CDK5RAP2: variants seen among roughly 807,000 people sequenced by gnomAD.
CDK5RAP2 encodes CDK5 regulatory subunit-associated protein 2.
Under a neutral mutation model 232.9 loss-of-function variants are expected in CDK5RAP2, and 147 were observed. The observed-to-expected ratio is 0.63, with a 90% CI of 0.55 to 0.72. CDK5RAP2 has a LOEUF of 0.72. Ranked by LOEUF, CDK5RAP2 falls within the 30% of genes least tolerant of loss-of-function variation. The pLI, the probability that CDK5RAP2 is intolerant of heterozygous loss-of-function variation, is 0.00. For missense variants in CDK5RAP2, 2,195 were observed against 2,231.5 expected (o/e 0.98, Z 0.33); for synonymous variants, 833 against 833.7 (o/e 1.00, Z 0.01).
At chr9:120,525,788 T>C (rs1564339370) in intron 10 of CDK5RAP2, among the ~76,000 whole-genome samples, 1 of 152,044 alleles carries the variant, frequency 6.6e-6, no homozygotes, top group Admixed American at 6.6e-5. Flanking sequence ...AGCTACTTTT[T>C]TGTATTTTTA....
At chr9:120,479,854 T>C (rs1262309305) in intron 14 of CDK5RAP2, among the ~76,000 whole-genome samples, 1 of 152,160 alleles carries the variant, frequency 6.6e-6, no homozygotes, top group Non-Finnish European at 1.5e-5. Flanking sequence ...GATTAGAAGG[T>C]AGCAATGAAG....
intron 17 of CDK5RAP2, 140 bp downstream of exon 17, chr9:120,469,971 G>A (rs1279060411): frequency 1.5e-5 from 9 of 602,544 alleles, no homozygotes; most frequent in South Asian, 3.8e-5. Context: ...GGACACAGGA[G>A]GGGCACACAC....
chr9:120,448,228 G>A, intron 21 of CDK5RAP2, 102 bp from the exon 22 acceptor site: 1 of 995,026 alleles, frequency 1.0e-6, no homozygotes, highest in Non-Finnish European at 1.6e-6. Flanking sequence ...AATTCGAACT[G>A]GCTGCCCAGA....
chr9:120,398,564 T>C (rs1343432845), intron 35 of CDK5RAP2, among the ~76,000 whole-genome samples: 1 of 152,236 alleles, frequency 6.6e-6, no homozygotes, highest in Admixed American at 6.5e-5. Context: ...GGAATTGTTT[T>C]CTCATTTTGA....
intron 35 of CDK5RAP2, among the ~76,000 whole-genome samples, chr9:120,399,597 A>G (rs1261990330): frequency 6.6e-6 from 1 of 152,226 alleles, no homozygotes; most frequent in East Asian, 1.9e-4. Context: ...GAAGCAGGAC[A>G]TGGGACACTC....
At chr9:120,394,436 G>A in intron 36 of CDK5RAP2, 76 bp downstream of exon 36, 1 of 1,609,868 alleles carries the variant, frequency 6.2e-7, no homozygotes, top group Non-Finnish European at 8.5e-7. Context: ...TCCAAAGTGG[G>A]TAATCCAGGG....
At chr9:120,399,106 T>C (rs1236689694) in intron 35 of CDK5RAP2, among the ~76,000 whole-genome samples, 1 of 152,140 alleles carries the variant, frequency 6.6e-6, no homozygotes, top group African/African-American at 2.4e-5. Flanking sequence ...AATCAATTAC[T>C]CAAGAAACCT....
intron 20 of CDK5RAP2, among the ~76,000 whole-genome samples, chr9:120,457,661 T>C (rs1220807692): frequency 6.6e-6 from 1 of 152,252 alleles, no homozygotes; most frequent in East Asian, 1.9e-4. Context: ...GAAGAAATAC[T>C]AGGGTTCCTG....
chr9:120,463,651 T>C (rs933154957), intron 18 of CDK5RAP2, among the ~76,000 whole-genome samples: 1 of 152,224 alleles, frequency 6.6e-6, no homozygotes, highest in Non-Finnish European at 1.5e-5. Context: ...AAAGTATTGT[T>C]AACACATCAT....
At chr9:120,396,088 A>G (rs553774256) in intron 35 of CDK5RAP2, among the ~76,000 whole-genome samples, 9 of 152,416 alleles carry the variant, frequency 5.9e-5, no homozygotes, top group African/African-American at 2.2e-4. Flanking sequence ...TGGCAAATGA[A>G]TGTACATTTA....
rs75543012 is a variant in CDK5RAP2, at chr9:120,447,686, A to G, written c.3025+209T>C. The stretch of plus-strand genomic sequence containing the variant: ...TGAGCACTGCAAGTTCCCTTTATCC[A>G]GACTCCAGAATAAAATGAAAGCAAT... On this transcript the variant is annotated intron_variant, in intron 22 of 37. Coordinates refer to ENST00000349780, the MANE Select transcript of CDK5RAP2 (RefSeq NM_018249.6). Among the ~76,000 whole-genome samples the G allele has an allele frequency of 2.0e-5, 3 of 152,324 alleles. No homozygotes were observed. The East Asian group carries it at 5.8e-4, about 29-fold the overall frequency.
intron 10 of CDK5RAP2, 141 bp from the exon 11 acceptor site, chr9:120,525,219 T>C: frequency 5.6e-6 from 4 of 708,134 alleles, no homozygotes; most frequent in East Asian, 2.8e-5. Context: ...GGATTTCCAG[T>C]TTAGCCGTTT....
At chr9:120,481,034 C>A (rs2038276507) in intron 14 of CDK5RAP2, among the ~76,000 whole-genome samples, 1 of 152,234 alleles carries the variant, frequency 6.6e-6, no homozygotes, top group African/African-American at 2.4e-5. Context: ...TTAAAGAGGA[C>A]ATGAAAACCA....
chr9:120,420,208 A>C (rs772934364), intron 26 of CDK5RAP2, among the ~76,000 whole-genome samples: 1 of 152,210 alleles, frequency 6.6e-6, no homozygotes, highest in African/African-American at 2.4e-5. Flanking sequence ...CATGGCTTAC[A>C]GGGGAGGGAC....
At chr9:120,434,858 G>A (rs906415234) in intron 25 of CDK5RAP2, among the ~76,000 whole-genome samples, 4 of 152,182 alleles carry the variant, frequency 2.6e-5, no homozygotes, top group African/African-American at 9.7e-5. Context: ...TCAGTGGAGG[G>A]GTTGAGATAA....
chr9:120,428,944 T>C (rs1347568648), intron 25 of CDK5RAP2, among the ~76,000 whole-genome samples: 10 of 152,190 alleles, frequency 6.6e-5, no homozygotes, highest in African/African-American at 1.2e-4. Context: ...GATGCAAAGC[T>C]GGTTCAATAT....
chr9:120,516,345 A>G (rs1264722998), intron 12 of CDK5RAP2, among the ~76,000 whole-genome samples: 3 of 123,608 alleles, frequency 2.4e-5, no homozygotes, highest in African/African-American at 9.6e-5. Flanking sequence ...GAAGGGGAAC[A>G]TCACACTCCG....
At position 120,439,790 on chromosome 9, in the gene CDK5RAP2, A is replaced by G. The variant is rs749001103; in HGVS notation, c.3331T>C (p.Tyr1111His). ...ESINTSNETE[Y>H]LKQKIHDLET... The stretch of plus-strand genomic sequence containing the variant: ...AAGTCATGGATTTTCTGTTTTAAGT[A>G]TTCTGTCTCATTTGAGGTATTAATG... The change falls in exon 24 of 38, where the codon TAC becomes CAC. Residue 1111 changes from tyrosine to histidine, a missense_variant. By Grantham distance (83) the Tyr-to-His change is moderately conservative. Transcript: ENST00000349780. 2 of 1,614,026 alleles carry G rather than the reference A, an allele frequency of 1.2e-6. No individual in the cohort carries two copies. The highest frequency in any genetic ancestry group is 1.3e-5 in the African/African-American group (1 of 74,904).
At chr9:120,395,715 C>T (rs1290488688) in intron 35 of CDK5RAP2, among the ~76,000 whole-genome samples, 1 of 152,192 alleles carries the variant, frequency 6.6e-6, no homozygotes, top group African/African-American at 2.4e-5. Flanking sequence ...AATCAAATTG[C>T]ATAATTTAAT....
Sources: gnomAD v4.1 joint callset for allele counts (sites outside exome capture counted in the v4.1 genomes callset) on GRCh38, gnomAD v4.1.1 for gene constraint, MANE v1.5 for transcripts, NCBI Gene and HGNC (gene_info 2026-07-23, HGNC 2026-07-21) for gene names.